Variants in DLG2 observed in about 807,000 individuals in gnomAD.
The protein encoded by DLG2 is discs large MAGUK scaffold protein 2.
In DLG2, 45 loss-of-function variants were observed where a neutral mutation model predicts 132.5. The observed-to-expected ratio is 0.34, with a 90% confidence interval of 0.27 to 0.44. The LOEUF is 0.44. Among genes scored for constraint, DLG2 ranks in the 20% least tolerant of loss-of-function variants. The probability of loss-of-function intolerance (pLI) is 1.00; values close to 1 mark genes in which losing one functional copy is unlikely to be tolerated. For missense variants in DLG2, 1,045 were observed against 1,196.9 expected (o/e 0.87, Z 1.87); for synonymous variants, 424 against 419.6 (o/e 1.01, Z -0.13).
At chr11:85,343,214 A>T (rs1565351373) in intron 3 of DLG2, among the ~76,000 whole-genome samples, 1 of 152,170 alleles carries the variant, frequency 6.6e-6, no homozygotes, top group African/African-American at 2.4e-5. Context: ...TGTTCTTTTA[A>T]CCCAACACAA....
chr11:85,583,126 GTGTGTATATATATATATATATATATA>G (rs1334560934), intron 3 of DLG2, among the ~76,000 whole-genome samples: 2 of 34,306 alleles, frequency 5.8e-5, no homozygotes, highest in African/African-American at 9.3e-5. Flanking sequence ...GTGTGTGTGT[GTGTGTATATATATATATATATATATA>G]TATATATATA....
At chr11:85,124,758 T>C (rs185787810) in intron 5 of DLG2, among the ~76,000 whole-genome samples, 1 of 152,302 alleles carries the variant, frequency 6.6e-6, no homozygotes, top group East Asian at 1.9e-4. Context: ...GGATAAATAC[T>C]AAAGGGCAGT....
At chr11:84,764,912 G>A (rs1437877436) in intron 6 of DLG2, among the ~76,000 whole-genome samples, 1 of 152,038 alleles carries the variant, frequency 6.6e-6, no homozygotes, top group Non-Finnish European at 1.5e-5. Flanking sequence ...ATGAATGTGT[G>A]TAATGCTAAG....
intron 2 of DLG2, among the ~76,000 whole-genome samples, chr11:85,624,880 G>C (rs1728219429): frequency 6.6e-6 from 1 of 152,104 alleles, no homozygotes; most frequent in Admixed American, 6.5e-5. Context: ...GGGAAGGAGG[G>C]AGGCAAAGGA....
In DLG2 at chr11:84,194,991, G is replaced by C. The variant is rs1670683; in HGVS notation, c.574-31480C>G. Among the ~76,000 whole-genome samples, 1,462 of 152,302 alleles carry C rather than the reference G, an allele frequency of 9.6e-3. 8 individuals are homozygous for C. Among genetic ancestry groups the C allele is most frequent in the Non-Finnish European group, 0.015 (1,019 of 68,016 alleles). On this transcript the variant is annotated intron_variant, in intron 8 of 27. Transcript: ENST00000376104. ...TCCCTCCACACCTCCCTGCAAGCAG[G>C]GGGAGATGGCTCCTGCCTCGGCCAG...
intron 18 of DLG2, among the ~76,000 whole-genome samples, chr11:83,649,763 A>T (rs2069477873): frequency 6.6e-6 from 1 of 152,160 alleles, no homozygotes; most frequent in Non-Finnish European, 1.5e-5. Flanking sequence ...ATTGGAGGGT[A>T]GGAGGAAGGG....
chr11:83,803,920 G>C (rs1005305541), intron 17 of DLG2, among the ~76,000 whole-genome samples: 1 of 152,072 alleles, frequency 6.6e-6, no homozygotes, highest in Non-Finnish European at 1.5e-5. Context: ...TGCTGCATGT[G>C]GGACTCATCT....
intron 11 of DLG2, among the ~76,000 whole-genome samples, chr11:84,045,419 T>C (rs1429989056): frequency 3.3e-5 from 5 of 151,704 alleles, no homozygotes; most frequent in African/African-American, 1.2e-4. Context: ...TCAATAGAGA[T>C]AAAACAAGTG....
At chr11:85,416,173 G>A (rs1267490773) in intron 3 of DLG2, among the ~76,000 whole-genome samples, 2 of 151,708 alleles carry the variant, frequency 1.3e-5, no homozygotes, top group Non-Finnish European at 2.9e-5. Flanking sequence ...TCAAAGATCA[G>A]ATGGTTGTAG....
chr11:85,106,715 G>A (rs1223083507), intron 6 of DLG2, among the ~76,000 whole-genome samples: 1 of 151,844 alleles, frequency 6.6e-6, no homozygotes, highest in Non-Finnish European at 1.5e-5. Flanking sequence ...ACTCAGATTA[G>A]GTAAATTGTC....
intron 3 of DLG2, among the ~76,000 whole-genome samples, chr11:85,459,041 G>A (rs79524195): frequency 0.023 from 3,483 of 152,238 alleles, 129 homozygotes; most frequent in African/African-American, 0.078. Context: ...AGGAAGGCCC[G>A]CCTGGTGATG....
chr11:85,105,881 T>C (rs1378436672), intron 6 of DLG2, among the ~76,000 whole-genome samples: 1 of 151,634 alleles, frequency 6.6e-6, no homozygotes, highest in Non-Finnish European at 1.5e-5. Flanking sequence ...ATTTTATAAC[T>C]GGGTTAGATG....
At chr11:83,520,090 G>A (rs2095424421) in intron 21 of DLG2, among the ~76,000 whole-genome samples, 1 of 152,226 alleles carries the variant, frequency 6.6e-6, no homozygotes, top group Non-Finnish European at 1.5e-5. Context: ...CATCAAGAGT[G>A]TTCAAACAGG....
chr11:83,747,343 C>T (rs999992745), intron 18 of DLG2, among the ~76,000 whole-genome samples: 2 of 149,230 alleles, frequency 1.3e-5, no homozygotes, highest in African/African-American at 5.0e-5. Flanking sequence ...TTCCTTCCTG[C>T]CTTCCTTCCT....
At chr11:84,083,170 C>A (rs905640374) in intron 10 of DLG2, among the ~76,000 whole-genome samples, 1 of 152,142 alleles carries the variant, frequency 6.6e-6, no homozygotes, top group African/African-American at 2.4e-5. Context: ...ATCCCAGCTA[C>A]TCGGGAGGCT....
chr11:83,966,879 A>G (rs934174670), intron 12 of DLG2, among the ~76,000 whole-genome samples: 1 of 151,888 alleles, frequency 6.6e-6, no homozygotes, highest in Non-Finnish European at 1.5e-5. Flanking sequence ...TTATCCTTTC[A>G]TCTGTATCTC....
At chr11:83,637,201 C>T (rs544508755) in intron 18 of DLG2, among the ~76,000 whole-genome samples, 8 of 152,164 alleles carry the variant, frequency 5.3e-5, no homozygotes, top group Admixed American at 3.9e-4. Flanking sequence ...AAAAACCTAA[C>T]ACTACCATAT....
chr11:84,988,184 A>C (rs912000962), intron 6 of DLG2, among the ~76,000 whole-genome samples: 1 of 152,216 alleles, frequency 6.6e-6, no homozygotes, highest in African/African-American at 2.4e-5. Flanking sequence ...CACCAAAAAC[A>C]CAATTTGATA....
chr11:85,064,056 T>C (rs1401807723), intron 6 of DLG2, among the ~76,000 whole-genome samples: 2 of 151,816 alleles, frequency 1.3e-5, no homozygotes, highest in African/African-American at 4.8e-5. Flanking sequence ...GGTATGTTTG[T>C]TAAAAAACAA....
Sources: allele counts gnomAD v4.1 joint callset (sites outside exome capture counted in the v4.1 genomes callset), GRCh38; gene constraint gnomAD v4.1.1; transcripts MANE v1.5; gene names NCBI Gene and HGNC (gene_info 2026-07-23, HGNC 2026-07-21).